Variants in AUTS2 observed in about 807,000 individuals in gnomAD.
The protein encoded by AUTS2 is autism susceptibility gene 2 protein.
In AUTS2, 17 loss-of-function variants were observed where a neutral mutation model predicts 112.4. The observed-to-expected ratio is 0.15, with a 90% confidence interval of 0.10 to 0.23. The LOEUF is 0.23. AUTS2 is among the 10% of genes least tolerant of loss of function. The pLI is 1.00. For synonymous variants in AUTS2, 751 were observed against 702.7 expected, an observed-to-expected ratio of 1.07 and a Z score of -1.09; for missense variants, 1,510 against 1,701.6, an observed-to-expected ratio of 0.89 and a Z score of 1.98.
intron 5 of AUTS2, among the ~76,000 whole-genome samples, chr7:70,443,202 T>G (rs148484998): frequency 4.6e-5 from 7 of 152,302 alleles, no homozygotes; most frequent in Non-Finnish European, 1.0e-4. Context: ...ATGTCAGGCA[T>G]TTTCAGCTAA....
At chr7:70,189,785 G>T (rs558044444) in intron 4 of AUTS2, among the ~76,000 whole-genome samples, 1 of 152,110 alleles carries the variant, frequency 6.6e-6, no homozygotes, top group Non-Finnish European at 1.5e-5. Flanking sequence ...TTGACTGCAC[G>T]ATGAGCTTCA....
Position 70,790,777 on chromosome 7 carries a change from G to T in AUTS2, c.3561G>T (p.Pro1187=). ...TCCCCCACCCCAGCCTCATCACCCC[G>T]GGACTCCCCAGCATGCACTATCCCC... The part of the protein sequence containing the change: ...GHLPHPSLIT[P]GLPSMHYPRI... Residue 1187 remains proline (P), a synonymous_variant, in exon 19 of 19, where the codon CCG becomes CCT. Transcript: ENST00000342771. This position sits in a 1 kb window ranked among gnomAD's most constrained non-coding sequence, Gnocchi z 7.6. 6.2e-7 allele frequency: 1 copy of T among 1,600,616 alleles called. No individual in the cohort carries two copies.
At chr7:69,627,471 A>G (rs1397914504) in intron 1 of AUTS2, among the ~76,000 whole-genome samples, 1 of 152,152 alleles carries the variant, frequency 6.6e-6, no homozygotes, top group Non-Finnish European at 1.5e-5. Context: ...AACCTGGACA[A>G]CAAGAGTGAA....
At chr7:70,502,597 G>C (rs1301685128) in intron 5 of AUTS2, among the ~76,000 whole-genome samples, 1 of 152,174 alleles carries the variant, frequency 6.6e-6, no homozygotes, top group Non-Finnish European at 1.5e-5. Flanking sequence ...CTGCAGAAAA[G>C]TAGCAATGCA....
chr7:70,363,544 A>G (rs774942374), intron 4 of AUTS2, among the ~76,000 whole-genome samples: 3 of 151,910 alleles, frequency 2.0e-5, no homozygotes, highest in Non-Finnish European at 2.9e-5. Flanking sequence ...ATTTCTTAGA[A>G]AGAATTATTT....
At chr7:69,671,448 A>G (rs1796316337) in intron 1 of AUTS2, among the ~76,000 whole-genome samples, 1 of 142,424 alleles carries the variant, frequency 7.0e-6, no homozygotes, top group African/African-American at 2.6e-5. Flanking sequence ...AAAAGTGAAC[A>G]GGGATCAGCA....
chr7:70,086,991 T>C (rs912281750), intron 2 of AUTS2, among the ~76,000 whole-genome samples: 2 of 151,886 alleles, frequency 1.3e-5, no homozygotes, highest in Non-Finnish European at 2.9e-5. Context: ...CTGGCTGCAA[T>C]CTCTAGTATA....
intron 5 of AUTS2, among the ~76,000 whole-genome samples, chr7:70,658,446 C>T (rs996694540): frequency 3.9e-5 from 6 of 152,252 alleles, no homozygotes; most frequent in African/African-American, 1.2e-4. Flanking sequence ...ATCCATCTCT[C>T]GGCTGAATCC....
chr7:69,945,377 C>T (rs1796768962), intron 2 of AUTS2, among the ~76,000 whole-genome samples: 2 of 152,088 alleles, frequency 1.3e-5, no homozygotes, highest in Admixed American at 6.6e-5. Flanking sequence ...TTATGACTGC[C>T]TTCATTCACT....
chr7:70,134,376 C>T (rs1467955410), intron 3 of AUTS2, among the ~76,000 whole-genome samples, 160 bp from the exon 4 acceptor site: 1 of 152,080 alleles, frequency 6.6e-6, no homozygotes, highest in Non-Finnish European at 1.5e-5. Flanking sequence ...AATTAAGCAA[C>T]ACGGTGTTTG....
chr7:69,887,631 G>A (rs7790458), intron 1 of AUTS2, among the ~76,000 whole-genome samples: 12,710 of 152,050 alleles, frequency 0.084, 607 homozygotes, highest in East Asian at 0.13. Flanking sequence ...AGAAGAAAGC[G>A]AAACATTTTT....
chr7:70,411,363 C>CA (rs1387518031), intron 4 of AUTS2, among the ~76,000 whole-genome samples: 4 of 152,092 alleles, frequency 2.6e-5, no homozygotes, highest in South Asian at 2.1e-4. Flanking sequence ...CATTGAACTT[C>CA]AAAAAAATCC....
chr7:69,737,248 A>C (rs985328130), intron 1 of AUTS2, among the ~76,000 whole-genome samples: 3 of 152,140 alleles, frequency 2.0e-5, no homozygotes, highest in African/African-American at 7.2e-5. Context: ...TCAACCATTT[A>C]ACTCAATTGA....
At chr7:70,713,895 C>CAA (rs60280924) in intron 6 of AUTS2, among the ~76,000 whole-genome samples, 1 of 143,770 alleles carries the variant, frequency 7.0e-6, no homozygotes, top group African/African-American at 2.6e-5. Flanking sequence ...GACTCCGTCT[C>CAA]AAAAAAAAAA....
At chr7:70,261,945 G>GT (rs968068721) in intron 4 of AUTS2, among the ~76,000 whole-genome samples, 1 of 151,978 alleles carries the variant, frequency 6.6e-6, no homozygotes, top group Non-Finnish European at 1.5e-5. Flanking sequence ...GTTTTCAACT[G>GT]TTTTTTCACT....
chr7:70,487,775 ATTCAAGGAGAGTAGCTAAGG>A (rs1175411315), intron 5 of AUTS2, among the ~76,000 whole-genome samples: 2 of 152,220 alleles, frequency 1.3e-5, no homozygotes, highest in Non-Finnish European at 2.9e-5. Flanking sequence ...GGCAAGCAAG[ATTCAAGGAGAGTAGCTAAGG>A]ATAAATCGGT....
chr7:70,619,995 G>A (rs926760586), intron 5 of AUTS2, among the ~76,000 whole-genome samples: 15 of 152,130 alleles, frequency 9.9e-5, no homozygotes, highest in Admixed American at 3.3e-4. Flanking sequence ...TCCTGTTGCC[G>A]AGAAGCGCTT....
At chr7:69,641,800 G>T (rs1342956918) in intron 1 of AUTS2, among the ~76,000 whole-genome samples, 1 of 152,072 alleles carries the variant, frequency 6.6e-6, no homozygotes, top group Non-Finnish European at 1.5e-5. Context: ...CTTATATTCT[G>T]CATTTCATCT....
Position 70,760,297 on chromosome 7 carries a change from A to G in AUTS2, c.743-2573A>G, listed in dbSNP as rs62456830. ...TGGGATTACAGGCGTGAGCCACCGC[A>G]CCCGGCCTACAAAAAGATTTTTAAA... On this transcript the variant is annotated intron_variant, in intron 6 of 18. Transcript: ENST00000342771. Among the ~76,000 whole-genome samples, 1,246 of 152,288 alleles carry G rather than the reference A, an allele frequency of 8.2e-3. 22 individuals carry two copies. Among genetic ancestry groups the G allele is most frequent in the East Asian group, 0.034 (178 of 5,176 alleles).
Sources: allele counts gnomAD v4.1 joint callset (sites outside exome capture counted in the v4.1 genomes callset), GRCh38; gene constraint gnomAD v4.1.1; non-coding constraint Gnocchi (gnomAD v3.1); transcripts MANE v1.5; gene names NCBI Gene and HGNC (gene_info 2026-07-23, HGNC 2026-07-21).